IBTK: variants seen among roughly 807,000 people sequenced by gnomAD.
The protein encoded by IBTK is inhibitor of Bruton tyrosine kinase.
Under a neutral mutation model 154.9 loss-of-function variants are expected in IBTK, and 83 were observed. The observed-to-expected ratio is 0.54, with a 90% CI of 0.45 to 0.64. The LOEUF (loss-of-function observed/expected upper bound fraction) is 0.64. Ranked by LOEUF, IBTK falls within the 30% of genes least tolerant of loss-of-function variation. The pLI, the probability that IBTK is intolerant of heterozygous loss-of-function variation, is 0.00. For missense variants in IBTK, 1,332 were observed against 1,584.6 expected, an observed-to-expected ratio of 0.84 and a Z score of 2.71; for synonymous variants, 515 against 536.1, an observed-to-expected ratio of 0.96 and a Z score of 0.54.
intron 25 of IBTK, among the ~76,000 whole-genome samples, 159 bp from the exon 26 acceptor site, chr6:82,182,187 C>T (rs1023481227): frequency 5.3e-5 from 8 of 151,970 alleles, no homozygotes; most frequent in Non-Finnish European, 8.8e-5. Flanking sequence ...TGTGAAATAT[C>T]CAAAACTATT....
chr6:82,207,437 A>G (rs1769457106), intron 16 of IBTK, among the ~76,000 whole-genome samples: 1 of 152,184 alleles, frequency 6.6e-6, no homozygotes, highest in South Asian at 2.1e-4. Context: ...TTAAATATAT[A>G]GACTTAAATA....
At chr6:82,208,979 A>G (rs1474300391) in intron 16 of IBTK, among the ~76,000 whole-genome samples, 2 of 152,210 alleles carry the variant, frequency 1.3e-5, no homozygotes, top group East Asian at 3.8e-4. Flanking sequence ...AAGCATATGA[A>G]AAGATGTTCA....
chr6:82,201,404 T>G lies in IBTK; in HGVS notation c.2790+18A>C. ...TGGTAATATTATAGCCGCGAAAATC[T>G]TAAAACATAAACCTTACCATTTTCC... On this transcript the variant is annotated intron_variant, in intron 19 of 28. Coordinates refer to ENST00000306270, the MANE Select transcript of IBTK (RefSeq NM_015525.4). 1.3e-6 allele frequency: 2 copies of G among 1,588,884 alleles called. No homozygotes were observed. Among genetic ancestry groups the G allele is most frequent in the South Asian group, 2.3e-5 (2 of 88,254 alleles).
chr6:82,214,730 T>G lies in IBTK; in HGVS notation c.1701A>C (p.Thr567=). 1 of 1,614,114 alleles carries G rather than the reference T, an allele frequency of 6.2e-7. No homozygotes were observed. Among genetic ancestry groups the G allele is most frequent in the Admixed American group, 1.7e-5 (1 of 60,028 alleles). Reference sequence around the variant, plus strand: ...GGAAGAGTCTATTGCCAACTTGAAATGTCACATCATGAATGCTGTCCATTT... The same window carrying G: ...GGAAGAGTCTATTGCCAACTTGAAAGGTCACATCATGAATGCTGTCCATTT... ...ADEMDSIHDV[T]FQVGNRLFPA... The change falls in exon 12 of 29, where the codon ACA becomes ACC. Residue 567 remains threonine, a synonymous_variant. Transcript: ENST00000306270.
rs1769935915 is a variant in IBTK, at chr6:82,218,015, T to A, written c.1371A>T (p.Gly457=). 2 of 1,612,246 alleles carry A rather than the reference T, an allele frequency of 1.2e-6. No homozygotes were observed. The highest frequency in any genetic ancestry group is 4.5e-5 in the East Asian group (2 of 44,782). The part of the protein sequence containing the change: ...RNEILFVTQD[G]EGFRGRWFEE... The stretch of plus-strand genomic sequence containing the variant: ...CAAACCATCTCCCTCTAAATCCTTC[T>A]CCATCTTGCGTAACAAATAGAATTT... The change falls in exon 10 of 29, where the codon GGA becomes GGT. Residue 457 remains glycine, a synonymous_variant. Coordinates refer to ENST00000306270, the MANE Select transcript of IBTK (RefSeq NM_015525.4).
At chr6:82,233,901 C>T (rs481786) in intron 3 of IBTK, among the ~76,000 whole-genome samples, 110,683 of 151,688 alleles carry the variant, frequency 0.73, 40,804 homozygotes, top group East Asian at 0.96. Context: ...GCCCGGCTAA[C>T]TTTTGTATTT....
intron 26 of IBTK, among the ~76,000 whole-genome samples, chr6:82,179,725 G>A (rs1041440174): frequency 6.6e-6 from 1 of 152,148 alleles, no homozygotes; most frequent in African/African-American, 2.4e-5. Context: ...CAACTCTTTT[G>A]AGAAATCTGG....
In IBTK at chr6:82,173,102, A is replaced by G. The variant is rs542928485; in HGVS notation, c.3797+265T>C. ...ATGCAATCTCTGCCTCCCAGGTTCA[A>G]ACGATTCTCCTGTCCTAGCTTCATG... is the stretch of plus-strand genomic sequence containing the variant. On this transcript the variant is annotated intron_variant, in intron 27 of 28. Transcript: ENST00000306270. 2.2e-5 allele frequency: 6 copies of G among 274,048 alleles called. No individual in the cohort carries two copies. In the South Asian group the frequency reaches 8.7e-4, roughly 40 times the overall value. The allele number at this position is 274,048 out of a possible 1,614,324, so 17.0% of individuals were successfully genotyped here.
chr6:82,202,627 G>C lies in IBTK; in HGVS notation c.2630C>G (p.Ala877Gly), dbSNP rs1769253144. The C allele has an allele frequency of 1.3e-6, 2 of 1,595,004 alleles. No homozygotes were observed. Among genetic ancestry groups the C allele is most frequent in the Non-Finnish European group, 1.7e-6 (2 of 1,170,802 alleles). ...CATTGCTGCAAATTCCAGTAGCATAGCAGCATTCTTCAGGGTAACTACAAA... is the reference window on the plus strand; with the variant it reads ...CATTGCTGCAAATTCCAGTAGCATACCAGCATTCTTCAGGGTAACTACAAA... ...LTEKLTLKNA[A>G]MLLEFAAMYS... The change falls in exon 18 of 29, where the codon GCT becomes GGT. Residue 877 changes from alanine to glycine, a missense_variant. Physicochemically the swap from Ala to Gly is moderately conservative, Grantham distance 60. This residue lies in a region of IBTK where 1,134 missense variants were observed against 1,274.7 expected (regional missense o/e 0.89). Transcript: ENST00000306270.
At chr6:82,232,770 C>A (rs1455413283) in intron 3 of IBTK, among the ~76,000 whole-genome samples, 1 of 152,106 alleles carries the variant, frequency 6.6e-6, no homozygotes, top group Non-Finnish European at 1.5e-5. Flanking sequence ...AATCCCAGCA[C>A]TTTGAGAGGC....
chr6:82,218,222 T>TGTTAAAA, intron 9 of IBTK, 85 bp from the exon 10 acceptor site: 1 of 955,982 alleles, frequency 1.0e-6, no homozygotes, highest in Non-Finnish European at 1.4e-6. Context: ...CAAGAGACAA[T>TGTTAAAA]GCTGTTAAAA....
rs548034259 is a variant in IBTK, at chr6:82,216,399, TCAA to T, written c.1427-152_1427-150del. 1.0e-4 allele frequency: 61 copies of T among 598,060 alleles called. 1 individual carries two copies. In the African/African-American group the frequency reaches 1.1e-3, roughly 11 times the overall value. 37.0% of individuals were successfully genotyped at this position (598,060 alleles called of 1,614,324 possible). ...GTTTTTGAAGAACTACATCCTCTCT[TCAA>T]CACATTTTCCACTGAATATATTGGC... On this transcript the variant is annotated intron_variant, in intron 10 of 28. Coordinates refer to ENST00000306270, the MANE Select transcript of IBTK (RefSeq NM_015525.4).
chr6:82,235,208 CATAA>C (rs1468364599), intron 2 of IBTK, among the ~76,000 whole-genome samples: 1 of 152,132 alleles, frequency 6.6e-6, no homozygotes, highest in Non-Finnish European at 1.5e-5. Context: ...TTTAATACCC[CATAA>C]ATACACTGTC....
At chr6:82,208,624 T>C (rs957364982) in intron 16 of IBTK, among the ~76,000 whole-genome samples, 2 of 152,040 alleles carry the variant, frequency 1.3e-5, no homozygotes, top group Non-Finnish European at 2.9e-5. Context: ...ACAGCTGTAG[T>C]CCCAGTTACT....
At chr6:82,210,625 G>A (rs761248007) in intron 16 of IBTK, among the ~76,000 whole-genome samples, 189 bp downstream of exon 16, 2 of 151,828 alleles carry the variant, frequency 1.3e-5, no homozygotes, top group Non-Finnish European at 2.9e-5. Context: ...AGGAGTTTGA[G>A]ACTAGCCTGG....
At chr6:82,176,226 T>C (rs544592728) in intron 26 of IBTK, among the ~76,000 whole-genome samples, 2 of 151,626 alleles carry the variant, frequency 1.3e-5, no homozygotes, top group African/African-American at 4.8e-5. Context: ...TTTTCACTAA[T>C]TAGAAACACA....
intron 3 of IBTK, among the ~76,000 whole-genome samples, chr6:82,233,757 A>T (rs1473838553): frequency 7.1e-6 from 1 of 140,762 alleles, no homozygotes; most frequent in Non-Finnish European, 1.5e-5. Flanking sequence ...TCTATCACCC[A>T]GGCTGGAGTG....
intron 16 of IBTK, chr6:82,205,220 C>T: frequency 4.2e-6 from 1 of 236,078 alleles, no homozygotes. Context: ...TGATCTCACA[C>T]TAGGACCATA....
intron 4 of IBTK, among the ~76,000 whole-genome samples, chr6:82,230,655 G>A (rs1770470740): frequency 3.3e-5 from 5 of 152,096 alleles, no homozygotes; most frequent in Admixed American, 3.3e-4. Context: ...GGTAGTTTAG[G>A]AGTGGCAAAA....
Sources: gnomAD v4.1 joint callset for allele counts (sites outside exome capture counted in the v4.1 genomes callset) on GRCh38, gnomAD v4.1.1 for gene constraint, gnomAD v4.1.1 regional missense constraint, MANE v1.5 for transcripts, NCBI Gene and HGNC (gene_info 2026-07-23, HGNC 2026-07-21) for gene names.